GALNTL6: variants seen among roughly 807,000 people sequenced by gnomAD.
GALNTL6 encodes polypeptide N-acetylgalactosaminyltransferase-like 6.
In GALNTL6, 46 loss-of-function variants were observed where a neutral mutation model predicts 73.7. The observed-to-expected ratio is 0.62, with a 90% CI of 0.49 to 0.80. The LOEUF (loss-of-function observed/expected upper bound fraction) is 0.80. Ranked by LOEUF, GALNTL6 falls within the 30% of genes least tolerant of loss-of-function variation. The probability of loss-of-function intolerance (pLI) is 0.00; values close to 1 mark genes in which losing one functional copy is unlikely to be tolerated. For synonymous variants in GALNTL6, 259 were observed against 263.7 expected (o/e 0.98, Z 0.17); for missense variants, 604 against 755.0 (o/e 0.80, Z 2.34).
chr4:172,096,338 T>A (rs1189984124), intron 2 of GALNTL6, among the ~76,000 whole-genome samples: 1 of 152,138 alleles, frequency 6.6e-6, no homozygotes, highest in Non-Finnish European at 1.5e-5. Flanking sequence ...CAAGTGATAT[T>A]CCTGTCTCAG....
intron 2 of GALNTL6, among the ~76,000 whole-genome samples, chr4:172,219,196 A>AGT (rs1277948042): frequency 1.1e-4 from 2 of 18,576 alleles, no homozygotes; most frequent in African/African-American, 2.0e-4. Flanking sequence ...AGATTAAGCA[A>AGT]GTGTATATAT....
rs750083898 is a variant in GALNTL6, at chr4:172,261,426, G to C, written c.247+31662G>C. ...TCACAGTAGCCTTGAATGATCTTTTGTATTTCTGTGGTATTGGTTGTAATA... is the reference window on the plus strand; with the variant it reads ...TCACAGTAGCCTTGAATGATCTTTTCTATTTCTGTGGTATTGGTTGTAATA... On this transcript the variant is annotated intron_variant, in intron 3 of 12. Transcript: ENST00000506823. Among the ~76,000 whole-genome samples, 87 of 151,532 alleles carry C rather than the reference G, an allele frequency of 5.7e-4. No individual in the cohort carries two copies. In the Middle Eastern group the frequency reaches 0.014, roughly 24 times the overall value.
chr4:171,949,921 A>G (rs560299189), intron 2 of GALNTL6, among the ~76,000 whole-genome samples: 44 of 152,324 alleles, frequency 2.9e-4, no homozygotes, highest in Non-Finnish European at 5.3e-4. Flanking sequence ...CGGGGACAAT[A>G]TTAAAAGAGA....
Position 172,289,891 on chromosome 4 carries a change from T to G in GALNTL6, c.248-21723T>G, listed in dbSNP as rs566404054. 7.2e-5 allele frequency among the ~76,000 whole-genome samples: 11 copies of G among 152,314 alleles called. 1 individual carries two copies. The South Asian group carries it at 1.0e-3, about 14-fold the overall frequency. ...AAGAGACTTAAGCTATTCTCTAGAC[T>G]TCTTGGTTATTACTCATGTAGTTAG... On this transcript the variant is annotated intron_variant, in intron 3 of 12. Transcript: ENST00000506823.
intron 5 of GALNTL6, among the ~76,000 whole-genome samples, chr4:172,795,196 A>C (rs982916275): frequency 2.0e-5 from 3 of 152,178 alleles, no homozygotes; most frequent in Non-Finnish European, 4.4e-5. Context: ...TCTCAGTAGA[A>C]ATACCGAAAA....
chr4:172,566,909 T>C (rs2110938908), intron 5 of GALNTL6, among the ~76,000 whole-genome samples: 1 of 152,182 alleles, frequency 6.6e-6, no homozygotes, highest in Middle Eastern at 3.4e-3. Context: ...TCTTATTAAA[T>C]ATCTACTTTT....
chr4:172,960,873 G>C (rs1750012052), intron 10 of GALNTL6, among the ~76,000 whole-genome samples: 1 of 152,084 alleles, frequency 6.6e-6, no homozygotes, highest in African/African-American at 2.4e-5. Context: ...GAGGAATGGA[G>C]GGTGGAAGGC....
chr4:171,827,306 T>C (rs1290544730), intron 2 of GALNTL6, among the ~76,000 whole-genome samples: 1 of 152,166 alleles, frequency 6.6e-6, no homozygotes, highest in Non-Finnish European at 1.5e-5. Context: ...CAGGAAATAA[T>C]TAATTGGTCT....
At position 171,936,671 on chromosome 4, in the gene GALNTL6, T is replaced by TA. The variant is rs926940154; in HGVS notation, c.138+121958dup. Among the ~76,000 whole-genome samples the TA allele has an allele frequency of 7.9e-5, 12 of 152,246 alleles. No homozygotes were observed. In the East Asian group the frequency reaches 1.5e-3, roughly 20 times the overall value. ...TTGTTGGAAACCAAGACAAATTATG[T>TA]AAAAATGACACAAGATATTTAAAAA... On this transcript the variant is annotated intron_variant, in intron 2 of 12. Transcript: ENST00000506823.
At chr4:173,003,619 GC>G (rs1183449871) in intron 10 of GALNTL6, among the ~76,000 whole-genome samples, 1 of 152,130 alleles carries the variant, frequency 6.6e-6, no homozygotes, top group African/African-American at 2.4e-5. Flanking sequence ...CCTCACAACT[GC>G]CCTCTGAGGC....
chr4:171,968,359 G>A (rs1739450593), intron 2 of GALNTL6, among the ~76,000 whole-genome samples: 1 of 152,106 alleles, frequency 6.6e-6, no homozygotes, highest in Non-Finnish European at 1.5e-5. Context: ...CCATCCCAAT[G>A]TCTCTGTCCT....
At chr4:171,922,698 T>A (rs1265460403) in intron 2 of GALNTL6, among the ~76,000 whole-genome samples, 1 of 152,124 alleles carries the variant, frequency 6.6e-6, no homozygotes, top group Non-Finnish European at 1.5e-5. Flanking sequence ...ATTCTTAGAC[T>A]GGGACCATGG....
At chr4:171,883,848 C>G (rs576070286) in intron 2 of GALNTL6, among the ~76,000 whole-genome samples, 1 of 152,024 alleles carries the variant, frequency 6.6e-6, no homozygotes, top group Admixed American at 6.5e-5. Flanking sequence ...GGGGTTTCTC[C>G]GTGTTGGTCA....
intron 5 of GALNTL6, among the ~76,000 whole-genome samples, chr4:172,805,359 C>T (rs574738861): frequency 6.6e-6 from 1 of 152,276 alleles, no homozygotes; most frequent in South Asian, 2.1e-4. Context: ...TTCTACAAAA[C>T]TGCTAAATTT....
intron 4 of GALNTL6, among the ~76,000 whole-genome samples, chr4:172,332,037 C>T (rs1402212100): frequency 3.3e-5 from 5 of 152,040 alleles, no homozygotes; most frequent in African/African-American, 1.2e-4. Context: ...TGACACCTCT[C>T]TTTTGTTTTT....
intron 10 of GALNTL6, among the ~76,000 whole-genome samples, chr4:172,976,304 T>G (rs1400662212): frequency 1.3e-5 from 2 of 152,202 alleles, no homozygotes; most frequent in Non-Finnish European, 2.9e-5. Context: ...AAAATTCTAT[T>G]TAGAAGAAGT....
intron 5 of GALNTL6, among the ~76,000 whole-genome samples, chr4:172,587,180 G>A (rs1356939867): frequency 1.3e-5 from 2 of 152,154 alleles, no homozygotes; most frequent in South Asian, 4.1e-4. Context: ...TGGTTAGAAA[G>A]AACACTAACA....
intron 5 of GALNTL6, among the ~76,000 whole-genome samples, chr4:172,630,089 C>T (rs1739330706): frequency 6.6e-6 from 1 of 152,086 alleles, no homozygotes; most frequent in Admixed American, 6.6e-5. Context: ...CTGAGATTTT[C>T]CCCCAAATAG....
At chr4:172,158,453 T>G (rs1291506103) in intron 2 of GALNTL6, among the ~76,000 whole-genome samples, 1 of 152,156 alleles carries the variant, frequency 6.6e-6, no homozygotes, top group Non-Finnish European at 1.5e-5. Flanking sequence ...CCCTGACTTT[T>G]CCATATCAAA....
Sources: gnomAD v4.1 joint callset for allele counts (sites outside exome capture counted in the v4.1 genomes callset) on GRCh38, gnomAD v4.1.1 for gene constraint, MANE v1.5 for transcripts, NCBI Gene and HGNC (gene_info 2026-07-23, HGNC 2026-07-21) for gene names.